Variants in CAMKMT observed in about 807,000 individuals in gnomAD.
CAMKMT encodes the protein calmodulin-lysine N-methyltransferase, also known as CaM KMT.
In CAMKMT, 53 loss-of-function variants were observed where a neutral mutation model predicts 48.0. That is an observed-to-expected ratio of 1.10 (90% CI 0.89 to 1.39). The LOEUF is 1.39. CAMKMT is among the 40% of genes most tolerant of loss of function. The pLI, the probability that CAMKMT is intolerant of heterozygous loss-of-function variation, is 0.00. For missense variants in CAMKMT, 428 were observed against 402.7 expected (o/e 1.06, Z -0.54); for synonymous variants, 165 against 152.3 (o/e 1.08, Z -0.61).
At chr2:44,599,143 A>G (rs1031725771) in intron 3 of CAMKMT, among the ~76,000 whole-genome samples, 10 of 152,152 alleles carry the variant, frequency 6.6e-5, no homozygotes, top group African/African-American at 2.4e-4. Flanking sequence ...ATGGAATGGG[A>G]AAAACATTTA....
At chr2:44,680,089 G>C (rs1477702988) in intron 3 of CAMKMT, among the ~76,000 whole-genome samples, 1 of 152,112 alleles carries the variant, frequency 6.6e-6, no homozygotes, top group African/African-American at 2.4e-5. Context: ...TTAATCAGCG[G>C]TGTTTTCTTT....
intron 3 of CAMKMT, among the ~76,000 whole-genome samples, chr2:44,505,723 A>G (rs532882480): frequency 6.6e-6 from 1 of 152,260 alleles, no homozygotes; most frequent in African/African-American, 2.4e-5. Flanking sequence ...GCGGAAGAAA[A>G]TCCATGTGTA....
intron 3 of CAMKMT, among the ~76,000 whole-genome samples, chr2:44,429,068 A>G (rs1684467722): frequency 6.6e-6 from 1 of 152,210 alleles, no homozygotes; most frequent in Admixed American, 6.5e-5. Flanking sequence ...TTAAGGCTAA[A>G]GTCAAAGAGC....
intron 2 of CAMKMT, among the ~76,000 whole-genome samples, chr2:44,381,275 A>G (rs990305704): frequency 6.6e-6 from 1 of 152,216 alleles, no homozygotes; most frequent in Non-Finnish European, 1.5e-5. Flanking sequence ...AACTTCTATT[A>G]TCTCAGTTTG....
chr2:44,706,128 A>G (rs556386779), intron 4 of CAMKMT, among the ~76,000 whole-genome samples, 159 bp from the exon 5 acceptor site: 1 of 152,284 alleles, frequency 6.6e-6, no homozygotes, highest in Admixed American at 6.5e-5. Flanking sequence ...AATTATTTTT[A>G]AAACGCAAAA....
intron 3 of CAMKMT, among the ~76,000 whole-genome samples, chr2:44,629,433 C>CTTTTT (rs897761983): frequency 8.1e-4 from 101 of 125,284 alleles, no homozygotes; most frequent in African/African-American, 9.2e-4. Flanking sequence ...TTCTTTCTTT[C>CTTTTT]TTTTTTTTTT....
At chr2:44,387,474 T>C (rs1680885412) in intron 2 of CAMKMT, among the ~76,000 whole-genome samples, 1 of 152,226 alleles carries the variant, frequency 6.6e-6, no homozygotes, top group African/African-American at 2.4e-5. Flanking sequence ...TTTACGGTTC[T>C]GTGTCTTTTA....
At chr2:44,450,195 G>A (rs1388418786) in intron 3 of CAMKMT, among the ~76,000 whole-genome samples, 1 of 152,112 alleles carries the variant, frequency 6.6e-6, no homozygotes, top group East Asian at 1.9e-4. Flanking sequence ...GTCATAGCAG[G>A]CTCAGTGAAT....
At chr2:44,546,194 CACACACACAT>C (rs1366223042) in intron 3 of CAMKMT, among the ~76,000 whole-genome samples, 7 of 142,884 alleles carry the variant, frequency 4.9e-5, no homozygotes, top group African/African-American at 1.7e-4. Context: ...CACACACACA[CACACACACAT>C]ACATGCACAT....
chr2:44,427,162 A>C (rs1223477039), intron 3 of CAMKMT, among the ~76,000 whole-genome samples: 1 of 152,236 alleles, frequency 6.6e-6, no homozygotes, highest in Non-Finnish European at 1.5e-5. Flanking sequence ...AACTAACTTA[A>C]GATGGATTAA....
intron 3 of CAMKMT, among the ~76,000 whole-genome samples, chr2:44,459,926 G>A (rs754753314): frequency 2.0e-5 from 3 of 152,178 alleles, no homozygotes; most frequent in Non-Finnish European, 2.9e-5. Context: ...AATAAGCTTG[G>A]AGTGTGATTC....
intron 3 of CAMKMT, among the ~76,000 whole-genome samples, chr2:44,619,756 G>C (rs142030689): frequency 1.3e-5 from 2 of 152,246 alleles, no homozygotes; most frequent in East Asian, 3.9e-4. Context: ...GGCATTCTTG[G>C]TGTATGCACT....
intron 3 of CAMKMT, among the ~76,000 whole-genome samples, chr2:44,574,012 TTA>T (rs1669067350): frequency 6.6e-6 from 1 of 152,242 alleles, no homozygotes; most frequent in South Asian, 2.1e-4. Flanking sequence ...TTGAGTGTTT[TTA>T]TTTATTCTTC....
chr2:44,662,543 A>G (rs1674736227), intron 3 of CAMKMT, among the ~76,000 whole-genome samples: 1 of 152,206 alleles, frequency 6.6e-6, no homozygotes, highest in Admixed American at 6.5e-5. Flanking sequence ...TTGAAGTTTC[A>G]CAAGAAAGTG....
intron 3 of CAMKMT, among the ~76,000 whole-genome samples, chr2:44,411,634 T>C (rs1372770080): frequency 2.6e-5 from 4 of 152,332 alleles, no homozygotes; most frequent in Non-Finnish European, 4.4e-5. Context: ...TTCATTAGTA[T>C]ATTGAATATG....
At chr2:44,769,734 G>C (rs77039383) in intron 10 of CAMKMT, among the ~76,000 whole-genome samples, 1,616 of 152,150 alleles carry the variant, frequency 0.011, 65 homozygotes, top group Admixed American at 0.08. Flanking sequence ...ATAGGCTTGG[G>C]CTGGGCTGTG....
chr2:44,764,012 CT>C (rs2104402989), intron 9 of CAMKMT, among the ~76,000 whole-genome samples: 1 of 152,162 alleles, frequency 6.6e-6, no homozygotes, highest in South Asian at 2.1e-4. Context: ...CTAAAATGAC[CT>C]ACCAGCATTC....
At chr2:44,686,675 T>C (rs928801034) in intron 3 of CAMKMT, among the ~76,000 whole-genome samples, 2 of 152,216 alleles carry the variant, frequency 1.3e-5, no homozygotes, top group African/African-American at 4.8e-5. Flanking sequence ...GTGCTACATT[T>C]ATGGGAGCAT....
chr2:44,683,837 A>AG (rs1223810121), intron 3 of CAMKMT, among the ~76,000 whole-genome samples: 3 of 149,348 alleles, frequency 2.0e-5, no homozygotes, highest in South Asian at 2.1e-4. Context: ...AAAAAAAAAA[A>AG]AAAAAAGAAA....
Sources: gnomAD v4.1 joint callset for allele counts (sites outside exome capture counted in the v4.1 genomes callset) on GRCh38, gnomAD v4.1.1 for gene constraint, MANE v1.5 for transcripts, NCBI Gene and HGNC (gene_info 2026-07-23, HGNC 2026-07-21) for gene names.